The following UMAD1 variants were observed in gnomAD, a reference collection of about 807,000 sequenced individuals.
The protein encoded by UMAD1 is UBAP1-MVB12-associated (UMA) domain containing 1, also known as UBAP1-MVB12-associated (UMA)-domain containing protein 1.
A neutral mutation model predicts 6.1 loss-of-function variants in UMAD1; 8 were observed. The ratio of observed to expected loss-of-function variants is 1.30; its 90% CI spans 0.76 to 2.35. The LOEUF is 2.35. UMAD1 is among the 30% of genes most tolerant of loss of function. The probability of loss-of-function intolerance (pLI) is 0.00; values close to 1 mark genes in which losing one functional copy is unlikely to be tolerated. For synonymous variants in UMAD1, 56 were observed against 31.4 expected, an observed-to-expected ratio of 1.78 and a Z score of -2.61; for missense variants, 130 against 78.4, an observed-to-expected ratio of 1.66 and a Z score of -2.49.
intron 2 of UMAD1, among the ~76,000 whole-genome samples, chr7:7,760,415 T>A (rs1312213164): frequency 3.8e-5 from 2 of 52,746 alleles, no homozygotes; most frequent in African/African-American, 1.9e-4. Flanking sequence ...AAATACAAAA[T>A]AATAATAATA....
intron 2 of UMAD1, among the ~76,000 whole-genome samples, chr7:7,754,854 A>C (rs772138413): frequency 3.9e-5 from 6 of 152,236 alleles, no homozygotes; most frequent in Non-Finnish European, 7.3e-5. Flanking sequence ...TCCACAAACG[A>C]GATCATACTC....
Position 7,650,696 on chromosome 7 carries a change from C to T in UMAD1, c.-64+9875C>T, listed in dbSNP as rs568585070. ...AAGTGGCAATGTTACTTGTGCCAAA[C>T]GCACCTTGATTTACTAATCCAGCCA... On this transcript the variant is annotated intron_variant, in intron 1 of 3. Transcript: ENST00000682710. Among the ~76,000 whole-genome samples, 29 of 152,328 alleles carry T rather than the reference C, an allele frequency of 1.9e-4. 1 individual carries two copies. Among genetic ancestry groups the T allele is most frequent in the African/African-American group, 5.8e-4 (24 of 41,566 alleles).
At chr7:7,807,230 A>C (rs1480111761) in intron 3 of UMAD1, among the ~76,000 whole-genome samples, 1 of 152,128 alleles carries the variant, frequency 6.6e-6, no homozygotes, top group East Asian at 1.9e-4. Flanking sequence ...TGTCTGGGGG[A>C]GTCAAAAAAG....
intron 2 of UMAD1, among the ~76,000 whole-genome samples, chr7:7,785,661 T>C (rs1314708035): frequency 6.6e-6 from 1 of 152,218 alleles, no homozygotes; most frequent in Admixed American, 6.5e-5. Flanking sequence ...GAAATCATGG[T>C]AGCCTAAACT....
chr7:7,711,820 A>G (rs973818176), intron 2 of UMAD1, among the ~76,000 whole-genome samples: 1 of 152,044 alleles, frequency 6.6e-6, no homozygotes, highest in Admixed American at 6.5e-5. Context: ...AATATATAAA[A>G]CTTTTCCTTA....
chr7:7,824,709 T>G (rs1410358444), intron 3 of UMAD1, among the ~76,000 whole-genome samples: 1 of 152,174 alleles, frequency 6.6e-6, no homozygotes, highest in African/African-American at 2.4e-5. Flanking sequence ...ATCTCTACTA[T>G]CTAGTACTAA....
At chr7:7,840,426 C>G (rs961959758) in intron 3 of UMAD1, among the ~76,000 whole-genome samples, 4 of 151,960 alleles carry the variant, frequency 2.6e-5, no homozygotes, top group African/African-American at 7.3e-5. Context: ...TGTGGTTTCT[C>G]GGGAATTTAT....
chr7:7,702,771 C>A (rs1051974302), intron 2 of UMAD1, among the ~76,000 whole-genome samples: 15 of 151,696 alleles, frequency 9.9e-5, no homozygotes, highest in African/African-American at 3.4e-4. Context: ...CTCCATCTGC[C>A]AGTGGCCTGG....
chr7:7,685,938 C>T (rs1360101052), intron 2 of UMAD1: 2 of 152,170 alleles, frequency 1.3e-5, no homozygotes, highest in Non-Finnish European at 2.9e-5. Context: ...AGCACTTTCT[C>T]TATCCCAGGT....
chr7:7,675,289 C>G (rs755873499), intron 2 of UMAD1, among the ~76,000 whole-genome samples: 1 of 152,178 alleles, frequency 6.6e-6, no homozygotes, highest in Non-Finnish European at 1.5e-5. Flanking sequence ...AATGCTGGAC[C>G]TTAAACTTTT....
chr7:7,775,548 C>A (rs182955110), intron 2 of UMAD1, among the ~76,000 whole-genome samples: 1 of 152,164 alleles, frequency 6.6e-6, no homozygotes, highest in South Asian at 2.1e-4. Context: ...TCAATTAAAC[C>A]TCTATAAATT....
chr7:7,751,812 G>C (rs921815630), intron 2 of UMAD1, among the ~76,000 whole-genome samples: 1 of 152,140 alleles, frequency 6.6e-6, no homozygotes, highest in African/African-American at 2.4e-5. Context: ...GTGATCATAT[G>C]GTTTTGCAAA....
chr7:7,829,266 C>G (rs1050938299), intron 3 of UMAD1, among the ~76,000 whole-genome samples: 2 of 151,932 alleles, frequency 1.3e-5, no homozygotes, highest in Non-Finnish European at 2.9e-5. Flanking sequence ...CAGCAGCAAT[C>G]ACTTGCATAC....
chr7:7,723,238 T>G (rs1781083295), intron 2 of UMAD1, among the ~76,000 whole-genome samples: 1 of 152,202 alleles, frequency 6.6e-6, no homozygotes, highest in Non-Finnish European at 1.5e-5. Flanking sequence ...AGCAGAAATC[T>G]GGAGAACAGG....
chr7:7,784,823 G>A lies in UMAD1; in HGVS notation c.83-16847G>A, dbSNP rs530372727. On this transcript the variant is annotated intron_variant, in intron 2 of 3. Transcript: ENST00000682710. ...GTCGCCCAGGCTGGAGTGCAGTGGC[G>A]CGATCTCGGCTCGCTGCAGGCTCCG... Among the ~76,000 whole-genome samples, 329 of 135,312 alleles carry A rather than the reference G, an allele frequency of 2.4e-3. 2 individuals carry two copies. Among genetic ancestry groups the A allele is most frequent in the South Asian group, 0.013 (53 of 4,124 alleles). The allele number at this position is 135,312 out of a possible 152,430, so 88.8% of individuals were successfully genotyped here. A position where few individuals can be genotyped will look rare whatever the true frequency, so the allele number is the denominator to read the frequency against.
intron 3 of UMAD1, among the ~76,000 whole-genome samples, chr7:7,806,091 A>G (rs918869463): frequency 5.9e-5 from 9 of 152,150 alleles, no homozygotes; most frequent in African/African-American, 1.9e-4. Flanking sequence ...TCACTCCCTC[A>G]TTAAATCTAT....
intron 2 of UMAD1, among the ~76,000 whole-genome samples, chr7:7,700,570 A>G (rs1780434850): frequency 6.6e-6 from 1 of 152,000 alleles, no homozygotes; most frequent in Non-Finnish European, 1.5e-5. Context: ...TACAAAATAA[A>G]AACAACAAAC....
intron 1 of UMAD1, among the ~76,000 whole-genome samples, chr7:7,659,989 A>G (rs74328868): frequency 6.6e-6 from 1 of 152,194 alleles, no homozygotes; most frequent in Middle Eastern, 3.2e-3. Context: ...GTGATCCTGT[A>G]TTGGAGGCAT....
At chr7:7,860,592 C>G (rs1583878870) in intron 3 of UMAD1, among the ~76,000 whole-genome samples, 1 of 86,890 alleles carries the variant, frequency 1.2e-5, no homozygotes, top group East Asian at 3.1e-4. Flanking sequence ...AACCCTGTGT[C>G]TACTAAAAAT....
Sources: gnomAD v4.1 joint callset for allele counts (sites outside exome capture counted in the v4.1 genomes callset) on GRCh38, gnomAD v4.1.1 for gene constraint, MANE v1.5 for transcripts, NCBI Gene and HGNC (gene_info 2026-07-23, HGNC 2026-07-21) for gene names.